The following RBFOX1 variants were observed in gnomAD, a reference collection of about 807,000 sequenced individuals.
RBFOX1 encodes RNA binding fox-1 homolog 1.
RBFOX1 carries 8 observed loss-of-function variants against 57.7 expected under a neutral mutation model. That is an observed-to-expected ratio of 0.14 (90% CI 0.08 to 0.25). RBFOX1 has a LOEUF of 0.25. Among genes scored for constraint, RBFOX1 ranks in the 10% least tolerant of loss-of-function variants. The pLI is 1.00. For missense variants in RBFOX1, 611 were observed against 548.5 expected (o/e 1.11, Z -1.14); for synonymous variants, 326 against 222.4 (o/e 1.47, Z -4.15).
intron 2 of RBFOX1, among the ~76,000 whole-genome samples, chr16:6,582,461 A>AG (rs111477463): frequency 6.8e-6 from 1 of 146,940 alleles, no homozygotes; most frequent in Non-Finnish European, 1.5e-5. Flanking sequence ...GTTAGCGCCA[A>AG]TTTTTTTTTT....
At chr16:7,602,517 C>CT (rs1596329483) in intron 9 of RBFOX1, among the ~76,000 whole-genome samples, 1 of 152,176 alleles carries the variant, frequency 6.6e-6, no homozygotes, top group East Asian at 1.9e-4. Flanking sequence ...CACAAACTGC[C>CT]TAAGAAATTA....
chr16:6,697,101 C>A (rs1000193), intron 3 of RBFOX1, among the ~76,000 whole-genome samples: 63,880 of 151,994 alleles, frequency 0.42, 16,012 homozygotes, highest in African/African-American at 0.71. Context: ...TGGGGAAAGC[C>A]AAAGAAAAAT....
chr16:6,339,796 G>C (rs943238295), intron 2 of RBFOX1, among the ~76,000 whole-genome samples: 1 of 151,942 alleles, frequency 6.6e-6, no homozygotes, highest in East Asian at 1.9e-4. Context: ...TCAGCCTCCT[G>C]AGTAGCTGGG....
At chr16:7,695,970 G>A (rs2078685304) in intron 14 of RBFOX1, among the ~76,000 whole-genome samples, 1 of 152,220 alleles carries the variant, frequency 6.6e-6, no homozygotes, top group African/African-American at 2.4e-5. Flanking sequence ...TTCGGGTGGA[G>A]ATAGTGAGAT....
intron 3 of RBFOX1, among the ~76,000 whole-genome samples, chr16:6,978,875 C>G (rs11646879): frequency 1.8e-3 from 268 of 152,254 alleles, no homozygotes; most frequent in Non-Finnish European, 3.5e-3. Flanking sequence ...CATTTTTGCC[C>G]TGATGATGCT....
intron 1 of RBFOX1, among the ~76,000 whole-genome samples, chr16:6,093,846 C>G (rs2096210482): frequency 6.6e-6 from 1 of 151,944 alleles, no homozygotes; most frequent in African/African-American, 2.4e-5. Flanking sequence ...TCTCAAACTC[C>G]TAGGCTCAAG....
At chr16:6,417,672 G>T (rs1322895147) in intron 2 of RBFOX1, among the ~76,000 whole-genome samples, 12 of 148,782 alleles carry the variant, frequency 8.1e-5, no homozygotes, top group Non-Finnish European at 4.4e-5. Context: ...TTACAGGTGT[G>T]AGCCACCATG....
At chr16:5,738,846 T>C (rs1358477811) in intron 3 of RBFOX1, among the ~76,000 whole-genome samples, 1 of 152,114 alleles carries the variant, frequency 6.6e-6, no homozygotes, top group African/African-American at 2.4e-5. Context: ...AGCTAGCTCA[T>C]CTAAACCTTA....
At chr16:7,303,732 ATCTC>A (rs900712088) in intron 4 of RBFOX1, among the ~76,000 whole-genome samples, 5 of 140,116 alleles carry the variant, frequency 3.6e-5, no homozygotes, top group South Asian at 2.3e-4. Flanking sequence ...CTCTCTTTCA[ATCTC>A]TCTCTCTCTT....
At chr16:6,813,825 G>T (rs1400675881) in intron 3 of RBFOX1, among the ~76,000 whole-genome samples, 1 of 151,898 alleles carries the variant, frequency 6.6e-6, no homozygotes, top group Non-Finnish European at 1.5e-5. Context: ...GGGAGGAGGC[G>T]CTGTTGATAC....
chr16:6,067,315 G>C (rs1363373147), intron 1 of RBFOX1, among the ~76,000 whole-genome samples: 2 of 152,056 alleles, frequency 1.3e-5, no homozygotes, highest in African/African-American at 4.8e-5. Context: ...CTTTTTCAGA[G>C]ACATTCTGTG....
At chr16:5,413,812 G>A (rs923811095) in intron 1 of RBFOX1, among the ~76,000 whole-genome samples, 1 of 152,116 alleles carries the variant, frequency 6.6e-6, no homozygotes, top group African/African-American at 2.4e-5. Context: ...AGGTGTGGAG[G>A]GTAATGGTGA....
Position 5,397,285 on chromosome 16 carries a change from CA to C in RBFOX1, c.220-69928del, listed in dbSNP as rs983922491. ...GGTATCCTCTTGAACTCAGGTGCTC[CA>C]AACATTTCCTTCTGGAGTGGCAGCC... On this transcript the variant is annotated intron_variant, in intron 1 of 2. Transcript: ENST00000585867. 7.6e-4 allele frequency among the ~76,000 whole-genome samples: 116 copies of C among 152,144 alleles called. 3 individuals are homozygous for C. In the Middle Eastern group the frequency reaches 0.01, roughly 13 times the overall value.
intron 3 of RBFOX1, among the ~76,000 whole-genome samples, chr16:6,712,891 T>G (rs1009102036): frequency 4.6e-4 from 56 of 121,474 alleles, no homozygotes; most frequent in African/African-American, 1.4e-3. Flanking sequence ...GTGTTTTTTT[T>G]TTTTTTTTTT....
chr16:5,403,763 T>C lies in RBFOX1; in HGVS notation c.220-63453T>C, dbSNP rs182973037. Among the ~76,000 whole-genome samples the C allele has an allele frequency of 2.0e-3, 309 of 152,278 alleles. 3 individuals carry two copies. Among genetic ancestry groups the C allele is most frequent in the African/African-American group, 7.2e-3 (301 of 41,566 alleles). ...ACCCAGCCAATGCTCTGATGTCTTC[T>C]ATGTTGGTGCTAAAGAAAGGAAAAA... is the stretch of plus-strand genomic sequence containing the variant. On this transcript the variant is annotated intron_variant, in intron 1 of 2. Transcript: ENST00000585867.
At chr16:5,775,976 G>A (rs2054134098) in intron 3 of RBFOX1, among the ~76,000 whole-genome samples, 2 of 152,148 alleles carry the variant, frequency 1.3e-5, no homozygotes, top group East Asian at 1.9e-4. Flanking sequence ...CAGGATGAGC[G>A]ATGAGCTCTA....
intron 4 of RBFOX1, among the ~76,000 whole-genome samples, chr16:7,074,042 G>A (rs532061613): frequency 7.2e-5 from 11 of 151,998 alleles, no homozygotes; most frequent in Non-Finnish European, 1.3e-4. Flanking sequence ...CTTTTGTTTT[G>A]TAACAAGAAG....
intron 1 of RBFOX1, among the ~76,000 whole-genome samples, chr16:6,149,907 A>G (rs947868285): frequency 2.0e-5 from 3 of 152,238 alleles, no homozygotes; most frequent in Admixed American, 1.3e-4. Context: ...GATTATGTGC[A>G]CTGAACAAAA....
chr16:6,622,185 C>T (rs958493195), intron 2 of RBFOX1, among the ~76,000 whole-genome samples: 1 of 152,138 alleles, frequency 6.6e-6, no homozygotes, highest in African/African-American at 2.4e-5. Context: ...AATATTTTTG[C>T]TACATTCTTG....
Sources: gnomAD v4.1 joint callset for allele counts (sites outside exome capture counted in the v4.1 genomes callset) on GRCh38, gnomAD v4.1.1 for gene constraint, MANE v1.5 for transcripts, NCBI Gene and HGNC (gene_info 2026-07-23, HGNC 2026-07-21) for gene names.